The following SYNE1 variants were observed in gnomAD, a reference collection of about 807,000 sequenced individuals.
SYNE1 encodes the protein spectrin repeat containing nuclear envelope protein 1.
In SYNE1, 616 loss-of-function variants were observed where a neutral mutation model predicts 1,111.0. That is an observed-to-expected ratio of 0.55 (90% CI 0.52 to 0.59). The LOEUF is 0.59. Ranked by LOEUF, SYNE1 falls within the 20% of genes least tolerant of loss-of-function variation. SYNE1 has a pLI of 0.00. For missense variants in SYNE1, 10,006 were observed against 10,417.0 expected, an observed-to-expected ratio of 0.96 and a Z score of 1.72; for synonymous variants, 3,855 against 3,825.8, an observed-to-expected ratio of 1.01 and a Z score of -0.28.
chr6:152,632,796 A>T (rs1337523637), intron 2 of SYNE1, among the ~76,000 whole-genome samples: 1 of 152,186 alleles, frequency 6.6e-6, no homozygotes, highest in African/African-American at 2.4e-5. Context: ...TAATTTTTTT[A>T]AAAGATAAAT....
chr6:152,230,420 T>G (rs2082520645), intron 115 of SYNE1, 127 bp downstream of exon 115: 2 of 1,019,710 alleles, frequency 2.0e-6, no homozygotes, highest in Non-Finnish European at 2.9e-6. Flanking sequence ...TCAGCAAAAT[T>G]TGTTACTAAA....
Position 152,367,288 on chromosome 6 carries a change from T to A in SYNE1, c.9902A>T (p.His3301Leu). 6.2e-7 allele frequency: 1 copy of A among 1,614,228 alleles called. No homozygotes were observed. The highest frequency in any genetic ancestry group is 8.5e-7 in the Non-Finnish European group (1 of 1,180,040). ...ELQDWMTDAI[H>L]MLDSYCHPTS... ...CGGGTGGCAGTATGAATCCAGCATG[T>A]GAATCGCATCCGTCATCCAGTCTTG... Residue 3301 changes from histidine to leucine, a missense_variant, in exon 62 of 146, where the codon CAC becomes CTC. His to Leu is a moderately conservative substitution (Grantham distance 99). This residue lies in a region of SYNE1 where 4,955 missense variants were observed against 5,017.2 expected (regional missense o/e 0.99). Coordinates refer to ENST00000367255, the MANE Select transcript of SYNE1 (RefSeq NM_182961.4).
At chr6:152,305,269 T>C (rs2095335382) in intron 91 of SYNE1, among the ~76,000 whole-genome samples, 1 of 152,048 alleles carries the variant, frequency 6.6e-6, no homozygotes, top group Non-Finnish European at 1.5e-5. Context: ...AAAAGTATTA[T>C]TATTATTATT....
chr6:152,220,256 G>A (rs931394779), intron 119 of SYNE1, among the ~76,000 whole-genome samples: 1 of 152,086 alleles, frequency 6.6e-6, no homozygotes, highest in Non-Finnish European at 1.5e-5. Flanking sequence ...TAAAAATAAA[G>A]ACAAATAAGG....
chr6:152,211,572 A>G lies in SYNE1; in HGVS notation c.22511T>C (p.Met7504Thr). 6.2e-7 allele frequency: 1 copy of G among 1,613,758 alleles called. No homozygotes were observed. Among genetic ancestry groups the G allele is most frequent in the Non-Finnish European group, 8.5e-7 (1 of 1,179,818 alleles). Residue 7504 changes from methionine to threonine, a missense_variant, in exon 124 of 146, where the codon ATG becomes ACG. Transcript: ENST00000367255. ...GTGCAAAATCTGCTGACGACTGAAC[A>G]TCTCGGCTTGAAACAACTATAATTT... The part of the protein sequence containing the change: ...QRAHELFQAE[M>T]FSRQQILHSI...
intron 8 of SYNE1, among the ~76,000 whole-genome samples, chr6:152,509,032 A>G (rs2099071836): frequency 6.6e-6 from 1 of 152,120 alleles, no homozygotes; most frequent in African/African-American, 2.4e-5. Flanking sequence ...AGAAGTAGAG[A>G]ATCAAATTTA....
chr6:152,276,484 T>C (rs1026646071), intron 98 of SYNE1, among the ~76,000 whole-genome samples: 13 of 152,088 alleles, frequency 8.5e-5, no homozygotes, highest in Non-Finnish European at 1.9e-4. Flanking sequence ...TTCCATATCA[T>C]ATAATCATAT....
In SYNE1 at chr6:152,616,401, C is replaced by T. The variant is rs150862112; in HGVS notation, c.67+11864G>A. On this transcript the variant is annotated intron_variant, in intron 3 of 145. Coordinates refer to ENST00000367255, the MANE Select transcript of SYNE1 (RefSeq NM_182961.4). Reference sequence around the variant, plus strand: ...CACCCTACACAGCATAGTGAGACCTCGTCTCTACAAAAATTTTTTAAAAAA... The same window carrying T: ...CACCCTACACAGCATAGTGAGACCTTGTCTCTACAAAAATTTTTTAAAAAA... 3.9e-5 allele frequency among the ~76,000 whole-genome samples: 6 copies of T among 152,130 alleles called. No homozygotes were observed. In the East Asian group the frequency reaches 1.2e-3, roughly 30 times the overall value.
intron 2 of SYNE1, among the ~76,000 whole-genome samples, chr6:152,632,407 A>G (rs1227675868): frequency 1.3e-5 from 2 of 152,142 alleles, no homozygotes; most frequent in Non-Finnish European, 2.9e-5. Context: ...TGAAATCATG[A>G]TTTTCTTGCT....
intron 3 of SYNE1, among the ~76,000 whole-genome samples, chr6:152,552,489 A>C (rs1014768339): frequency 6.8e-6 from 1 of 147,800 alleles, no homozygotes; most frequent in African/African-American, 2.5e-5. Context: ...TTTTGTCAGT[A>C]TCCAGCACGG....
intron 38 of SYNE1, chr6:152,427,481 A>G: frequency 1.6e-6 from 1 of 616,808 alleles, no homozygotes; most frequent in Middle Eastern, 4.3e-4. Flanking sequence ...ATGGAAATTG[A>G]TCATCACAAA....
intron 131 of SYNE1, among the ~76,000 whole-genome samples, chr6:152,158,846 C>A (rs537907312): frequency 6.6e-5 from 10 of 152,326 alleles, no homozygotes; most frequent in African/African-American, 1.9e-4. Flanking sequence ...TCCCTAAATA[C>A]TCAAAAGTTT....
chr6:152,364,058 G>T (rs1170637389), intron 63 of SYNE1, among the ~76,000 whole-genome samples: 1 of 152,150 alleles, frequency 6.6e-6, no homozygotes, highest in Non-Finnish European at 1.5e-5. Flanking sequence ...ATTGAATCAT[G>T]GGGGTGGTTT....
intron 32 of SYNE1, 90 bp from the exon 33 acceptor site, chr6:152,436,191 T>C (rs1334812863): frequency 1.1e-5 from 15 of 1,358,968 alleles, no homozygotes; most frequent in Middle Eastern, 4.5e-4. Context: ...ACAGAACAGA[T>C]GGGTGGATGA....
chr6:152,568,171 A>G (rs1337750963), intron 3 of SYNE1, among the ~76,000 whole-genome samples: 1 of 152,074 alleles, frequency 6.6e-6, no homozygotes, highest in Non-Finnish European at 1.5e-5. Context: ...AAAGAGGAAT[A>G]GGTTTCATTG....
intron 36 of SYNE1, among the ~76,000 whole-genome samples, chr6:152,429,086 GTAA>G (rs3046242): frequency 0.071 from 10,316 of 144,620 alleles, 552 homozygotes; most frequent in East Asian, 0.23. Context: ...TATCTCAATA[GTAA>G]TAATAATAAT....
At chr6:152,600,809 A>G (rs2099594368) in intron 3 of SYNE1, among the ~76,000 whole-genome samples, 1 of 152,218 alleles carries the variant, frequency 6.6e-6, no homozygotes, top group Admixed American at 6.5e-5. Flanking sequence ...TAAAAGAGAT[A>G]CAGTCAGAAA....
chr6:152,536,390 TTATA>T (rs201245136), intron 4 of SYNE1, among the ~76,000 whole-genome samples: 1 of 120,194 alleles, frequency 8.3e-6, no homozygotes, highest in South Asian at 2.4e-4. Flanking sequence ...ATATATATAT[TTATA>T]TATATACTAT....
At chr6:152,205,600 A>G (rs1356375054) in intron 126 of SYNE1, among the ~76,000 whole-genome samples, 1 of 152,222 alleles carries the variant, frequency 6.6e-6, no homozygotes, top group Non-Finnish European at 1.5e-5. Context: ...AGTGAGAGAG[A>G]AAAGCATATT....
Sources: gnomAD v4.1 joint callset for allele counts (sites outside exome capture counted in the v4.1 genomes callset) on GRCh38, gnomAD v4.1.1 for gene constraint, gnomAD v4.1.1 regional missense constraint, MANE v1.5 for transcripts, NCBI Gene and HGNC (gene_info 2026-07-23, HGNC 2026-07-21) for gene names.